LRP1B: variants seen among roughly 807,000 people sequenced by gnomAD.
The protein encoded by LRP1B is low-density lipoprotein receptor-related protein 1B.
Under a neutral mutation model 556.6 loss-of-function variants are expected in LRP1B, and 217 were observed. That is an observed-to-expected ratio of 0.39 (90% confidence interval 0.35 to 0.44). The LOEUF is 0.44. Ranked by LOEUF, LRP1B falls within the 20% of genes least tolerant of loss-of-function variation. The probability of loss-of-function intolerance (pLI) is 1.00; values close to 1 mark genes in which losing one functional copy is unlikely to be tolerated. For synonymous variants in LRP1B, 2,047 were observed against 1,865.8 expected (o/e 1.10, Z -2.50); for missense variants, 5,053 against 5,620.8 (o/e 0.90, Z 3.23).
At chr2:141,414,237 CAA>C (rs775634408) in intron 3 of LRP1B, among the ~76,000 whole-genome samples, 17 of 35,354 alleles carry the variant, frequency 4.8e-4, no homozygotes, top group Admixed American at 1.1e-3. Context: ...GACTCTATCT[CAA>C]AAAAAAAAAA....
intron 5 of LRP1B, among the ~76,000 whole-genome samples, chr2:141,242,793 C>T (rs1683926987): frequency 6.6e-6 from 1 of 151,968 alleles, no homozygotes; most frequent in South Asian, 2.1e-4. Context: ...GGGATAAGTG[C>T]CTGCCTTCAG....
chr2:140,456,697 C>G (rs1687122071), intron 61 of LRP1B, 94 bp from the exon 62 acceptor site: 1 of 1,110,346 alleles, frequency 9.0e-7, no homozygotes, highest in Admixed American at 2.6e-5. Flanking sequence ...AGCTGCATAA[C>G]TTGAATTAGA....
intron 2 of LRP1B, among the ~76,000 whole-genome samples, chr2:141,741,541 G>A (rs1693707324): frequency 6.6e-6 from 1 of 151,970 alleles, no homozygotes; most frequent in African/African-American, 2.4e-5. Context: ...TTTCTCTGAT[G>A]ATCAGTGGTA....
chr2:141,110,898 G>A (rs1700734557), intron 7 of LRP1B, among the ~76,000 whole-genome samples: 1 of 152,104 alleles, frequency 6.6e-6, no homozygotes. Context: ...CCAACTCTAG[G>A]CTTTAAGTGG....
chr2:141,019,782 G>C (rs1394182371), intron 12 of LRP1B, 140 bp downstream of exon 12: 1 of 560,194 alleles, frequency 1.8e-6, no homozygotes, highest in Non-Finnish European at 3.0e-6. Context: ...ACCCTTAAAT[G>C]TGTAACTTTA....
chr2:141,906,208 T>C (rs1045789352), intron 1 of LRP1B, among the ~76,000 whole-genome samples: 12 of 151,816 alleles, frequency 7.9e-5, no homozygotes, highest in Non-Finnish European at 1.6e-4. Flanking sequence ...AAATAATTTT[T>C]TTAAAAAGTT....
At chr2:141,943,582 G>A (rs1288788062) in intron 1 of LRP1B, among the ~76,000 whole-genome samples, 1 of 152,126 alleles carries the variant, frequency 6.6e-6, no homozygotes, top group Non-Finnish European at 1.5e-5. Flanking sequence ...CACTCCTTCA[G>A]TGTTGCATTA....
intron 66 of LRP1B, among the ~76,000 whole-genome samples, chr2:140,393,080 A>C (rs1043966590): frequency 1.3e-5 from 2 of 150,846 alleles, no homozygotes; most frequent in African/African-American, 2.4e-5. Flanking sequence ...CGCACACACC[A>C]CCAAGCCTGG....
At chr2:141,332,438 A>G (rs1325118256) in intron 3 of LRP1B, among the ~76,000 whole-genome samples, 1 of 134,994 alleles carries the variant, frequency 7.4e-6, no homozygotes, top group Non-Finnish European at 1.6e-5. Context: ...TGCTTCTCCC[A>G]TATCTAACTG....
chr2:141,225,228 G>A (rs1168677249), intron 6 of LRP1B, among the ~76,000 whole-genome samples: 1 of 152,184 alleles, frequency 6.6e-6, no homozygotes, highest in Admixed American at 6.6e-5. Context: ...TGGCTCAACA[G>A]AAGCTGGCTA....
At chr2:141,096,629 GGAGAGAGAGAGAGAGA>G (rs756327718) in intron 7 of LRP1B, among the ~76,000 whole-genome samples, 78 of 59,740 alleles carry the variant, frequency 1.3e-3, no homozygotes, top group Admixed American at 2.6e-3. Context: ...GGGGAGAGGG[GGAGAGAGAGAGAGAGA>G]GAGAGAGAGA....
rs1681355212 is a variant in LRP1B, at chr2:141,188,399, A to G, written c.1013+22T>C. On this transcript the variant is annotated intron_variant, in intron 7 of 90. Coordinates refer to ENST00000389484, the MANE Select transcript of LRP1B (RefSeq NM_018557.3). The stretch of plus-strand genomic sequence containing the variant: ...TTTAAACGCAAACTTTTTTAGACCA[A>G]ACACTATAAAGAATTTCTTACCCTG... The G allele has an allele frequency of 1.9e-6, 3 of 1,604,684 alleles. No homozygotes were observed. In the East Asian group the frequency reaches 6.7e-5, roughly 36 times the overall value.
intron 2 of LRP1B, among the ~76,000 whole-genome samples, chr2:141,804,233 A>G (rs1160921977): frequency 6.6e-6 from 1 of 152,134 alleles, no homozygotes; most frequent in African/African-American, 2.4e-5. Flanking sequence ...ATTCAAAGAA[A>G]TGTATACTCT....
At chr2:140,441,024 T>C (rs114189373) in intron 66 of LRP1B, among the ~76,000 whole-genome samples, 395 of 152,070 alleles carry the variant, frequency 2.6e-3, no homozygotes, top group Admixed American at 5.7e-3. Context: ...ATCAATGAAA[T>C]AGGGGTAATA....
intron 2 of LRP1B, among the ~76,000 whole-genome samples, chr2:141,662,287 A>G (rs1488933924): frequency 1.3e-5 from 2 of 152,180 alleles, no homozygotes; most frequent in Non-Finnish European, 2.9e-5. Context: ...TCTGCAAAAT[A>G]ACTAGCTAAT....
At chr2:141,583,466 G>GA (rs1370872923) in intron 2 of LRP1B, among the ~76,000 whole-genome samples, 2 of 151,862 alleles carry the variant, frequency 1.3e-5, no homozygotes, top group Admixed American at 6.6e-5. Flanking sequence ...AGCAGGAAAT[G>GA]AAAAAATAAC....
chr2:141,589,163 A>G (rs1171954959), intron 2 of LRP1B, among the ~76,000 whole-genome samples: 1 of 152,214 alleles, frequency 6.6e-6, no homozygotes, highest in Non-Finnish European at 1.5e-5. Context: ...GTCAAGATGA[A>G]CAAAAACAAC....
chr2:141,306,923 C>T (rs1172665375), intron 3 of LRP1B, among the ~76,000 whole-genome samples: 6 of 152,038 alleles, frequency 3.9e-5, no homozygotes, highest in Non-Finnish European at 8.8e-5. Flanking sequence ...TTCCAAAGTT[C>T]CACTTGTTAA....
intron 7 of LRP1B, among the ~76,000 whole-genome samples, chr2:141,064,201 G>A (rs1446573842): frequency 6.6e-6 from 1 of 151,782 alleles, no homozygotes; most frequent in Non-Finnish European, 1.5e-5. Context: ...AAAATCGAGT[G>A]GCTGACTGGG....
Sources: allele counts gnomAD v4.1 joint callset (sites outside exome capture counted in the v4.1 genomes callset), GRCh38; gene constraint gnomAD v4.1.1; transcripts MANE v1.5; gene names NCBI Gene and HGNC (gene_info 2026-07-23, HGNC 2026-07-21).